Variants in PLEKHG1 observed in about 807,000 individuals in gnomAD.
PLEKHG1 encodes the protein pleckstrin homology domain-containing family G member 1.
PLEKHG1 carries 44 observed loss-of-function variants against 100.8 expected under a neutral mutation model. The ratio of observed to expected loss-of-function variants is 0.44; its 90% CI spans 0.34 to 0.56. The LOEUF is 0.56. Among genes scored for constraint, PLEKHG1 ranks in the 20% least tolerant of loss-of-function variants. PLEKHG1 has a pLI of 0.01. For synonymous variants in PLEKHG1, 640 were observed against 662.5 expected, an observed-to-expected ratio of 0.97 and a Z score of 0.52; for missense variants, 1,545 against 1,720.9, an observed-to-expected ratio of 0.90 and a Z score of 1.81.
chr6:150,743,889 G>A (rs1439012187), intron 2 of PLEKHG1, among the ~76,000 whole-genome samples: 2 of 152,026 alleles, frequency 1.3e-5, no homozygotes, highest in Non-Finnish European at 1.5e-5. Flanking sequence ...TGCTTATCTT[G>A]GTAGCATTCT....
chr6:150,709,153 G>GA (rs927817501), intron 3 of PLEKHG1, among the ~76,000 whole-genome samples: 21 of 152,170 alleles, frequency 1.4e-4, no homozygotes, highest in African/African-American at 4.8e-4. Flanking sequence ...CTAACACGGT[G>GA]AAACTCTGTC....
chr6:150,625,155 A>G (rs1037524288), intron 1 of PLEKHG1, among the ~76,000 whole-genome samples: 18 of 150,160 alleles, frequency 1.2e-4, no homozygotes, highest in African/African-American at 3.7e-4. Flanking sequence ...AAAAAAAAAA[A>G]TGGATTTTTT....
chr6:150,709,088 CTT>C (rs929210262), intron 3 of PLEKHG1, among the ~76,000 whole-genome samples: 7 of 152,334 alleles, frequency 4.6e-5, no homozygotes, highest in African/African-American at 1.4e-4. Context: ...AATCCCAACA[CTT>C]TGGGAAGCCG....
chr6:150,757,463 C>T (rs1783907835), intron 2 of PLEKHG1, among the ~76,000 whole-genome samples: 1 of 152,146 alleles, frequency 6.6e-6, no homozygotes, highest in Non-Finnish European at 1.5e-5. Flanking sequence ...TTGGTGAAGG[C>T]TTTTAAGCCA....
At chr6:150,769,956 TTTGTTA>T (rs772235535) in intron 3 of PLEKHG1, among the ~76,000 whole-genome samples, 2 of 152,138 alleles carry the variant, frequency 1.3e-5, no homozygotes, top group African/African-American at 2.4e-5. Flanking sequence ...AGGAGTCTGT[TTTGTTA>T]TTGTCTATAT....
exon 16 of PLEKHG1, chr6:150,840,253 G>T: frequency 6.2e-7 from 1 of 1,614,176 alleles, no homozygotes; most frequent in Admixed American, 1.7e-5. Context: ...AAAGGGATCA[G>T]CGCTAAATCT....
Position 150,831,305 on chromosome 6 carries a change from C to T in PLEKHG1, c.2194C>T (p.His732Tyr), listed in dbSNP as rs768566636. 6 of 1,614,142 alleles carry T rather than the reference C, an allele frequency of 3.7e-6. No homozygotes were observed. Among genetic ancestry groups the T allele is most frequent in the Non-Finnish European group, 4.2e-6 (5 of 1,180,018 alleles). Residue 732 changes from histidine (H) to tyrosine (Y), a missense_variant, in exon 15 of 16, where the codon CAT becomes TAT. Transcript: ENST00000358517. This position sits in a 1 kb window ranked among gnomAD's most constrained non-coding sequence, Gnocchi z 4.1. ...TGGAGAGGCATCCAGCCAAAGCACG[C>T]ATGAACTCCAAGCGGTTGAGGAGAA...
At chr6:150,737,873 G>T (rs1345001778) in intron 2 of PLEKHG1, among the ~76,000 whole-genome samples, 1 of 151,778 alleles carries the variant, frequency 6.6e-6, no homozygotes, top group Non-Finnish European at 1.5e-5. Context: ...GCACGATCAT[G>T]ACTCACTGCA....
intron 3 of PLEKHG1, among the ~76,000 whole-genome samples, chr6:150,777,111 C>G (rs1327731835): frequency 6.7e-6 from 1 of 150,360 alleles, no homozygotes; most frequent in African/African-American, 2.4e-5. Context: ...GCACATCAGT[C>G]ACACTGATGC....
chr6:150,716,805 C>T (rs1469341754), upstream of PLEKHG1, among the ~76,000 whole-genome samples: 1 of 151,948 alleles, frequency 6.6e-6, no homozygotes, highest in Non-Finnish European at 1.5e-5. Context: ...TACCTTAAAC[C>T]AAAAAGATTT....
intron 1 of PLEKHG1, among the ~76,000 whole-genome samples, chr6:150,609,254 G>A (rs1335917712): frequency 6.6e-6 from 1 of 152,196 alleles, no homozygotes; most frequent in African/African-American, 2.4e-5. Flanking sequence ...CTAGAATGAA[G>A]AGGAAACCCT....
At chr6:150,616,938 A>C (rs1234878137) in intron 1 of PLEKHG1, among the ~76,000 whole-genome samples, 4 of 152,242 alleles carry the variant, frequency 2.6e-5, no homozygotes, top group African/African-American at 4.8e-5. Flanking sequence ...TTCTAGAATT[A>C]TGACCTCAAT....
intron 14 of PLEKHG1, among the ~76,000 whole-genome samples, chr6:150,826,549 G>A (rs1329976990): frequency 6.6e-6 from 1 of 152,178 alleles, no homozygotes; most frequent in Non-Finnish European, 1.5e-5. Flanking sequence ...TCAGGCTGTG[G>A]CAAAACTGCC....
chr6:150,701,365 A>C (rs1329307057), intron 3 of PLEKHG1, among the ~76,000 whole-genome samples: 5 of 140,012 alleles, frequency 3.6e-5, no homozygotes, highest in Admixed American at 1.5e-4. Flanking sequence ...ACATTGGGTT[A>C]TATCTGTAGA....
At chr6:150,707,975 C>T (rs1781092415) in intron 3 of PLEKHG1, among the ~76,000 whole-genome samples, 1 of 152,166 alleles carries the variant, frequency 6.6e-6, no homozygotes, top group African/African-American at 2.4e-5. Context: ...TTCCAGGGAC[C>T]CCTGCCCCGG....
chr6:150,674,683 C>CTCTCTCT (rs1562427867), intron 3 of PLEKHG1, among the ~76,000 whole-genome samples: 5 of 103,532 alleles, frequency 4.8e-5, no homozygotes, highest in African/African-American at 1.4e-4. Flanking sequence ...CTCTCTCTCT[C>CTCTCTCT]CCCCCTCTTC....
chr6:150,824,745 G>A (rs894386972), intron 14 of PLEKHG1, among the ~76,000 whole-genome samples: 3 of 152,146 alleles, frequency 2.0e-5, no homozygotes, highest in African/African-American at 7.2e-5. Flanking sequence ...GGCAACGCCA[G>A]TCTGGAACTC....
chr6:150,707,850 A>C lies in PLEKHG1; in HGVS notation c.-98-25734A>C, dbSNP rs182141263. 2.0e-5 allele frequency among the ~76,000 whole-genome samples: 3 copies of C among 152,238 alleles called. No individual in the cohort carries two copies. The East Asian group carries it at 5.8e-4, about 29-fold the overall frequency. On this transcript the variant is annotated intron_variant, in intron 3 of 3. Coordinates refer to the PLEKHG1 transcript ENST00000367326. The stretch of plus-strand genomic sequence containing the variant: ...TCACTTTAAAAGATCAGACTTGGCC[A>C]GCTCAGCTGTCACTTCACACAGACA...
chr6:150,732,004 C>T (rs1380282083), intron 1 of PLEKHG1, among the ~76,000 whole-genome samples: 1 of 150,264 alleles, frequency 6.7e-6, no homozygotes, highest in Non-Finnish European at 1.5e-5. Context: ...CTCTGTCGCC[C>T]AGTCTGGAGT....
Sources: allele counts gnomAD v4.1 joint callset (sites outside exome capture counted in the v4.1 genomes callset), GRCh38; gene constraint gnomAD v4.1.1; non-coding constraint Gnocchi (gnomAD v3.1); transcripts MANE v1.5; gene names NCBI Gene and HGNC (gene_info 2026-07-23, HGNC 2026-07-21).